Variants in UBE2W observed in about 807,000 individuals in gnomAD.
UBE2W encodes ubiquitin conjugating enzyme E2 W.
In UBE2W, 18 loss-of-function variants were observed where a neutral mutation model predicts 27.2. The observed-to-expected ratio is 0.66, with a 90% CI of 0.46 to 0.98. The LOEUF (loss-of-function observed/expected upper bound fraction) is 0.98. Among genes scored for constraint, UBE2W ranks in the 50% least tolerant of loss-of-function variants. The pLI, the probability that UBE2W is intolerant of heterozygous loss-of-function variation, is 0.00. For missense variants in UBE2W, 90 were observed against 180.2 expected, an observed-to-expected ratio of 0.50 and a Z score of 2.87; for synonymous variants, 53 against 57.2, an observed-to-expected ratio of 0.93 and a Z score of 0.33.
chr8:73,807,525 T>C (rs1808966607), intron 4 of UBE2W, among the ~76,000 whole-genome samples: 1 of 152,186 alleles, frequency 6.6e-6, no homozygotes. Context: ...CATTAGAGCA[T>C]AAGACAGTCA....
At chr8:73,806,971 C>T (rs975751701) in intron 4 of UBE2W, among the ~76,000 whole-genome samples, 3 of 152,046 alleles carry the variant, frequency 2.0e-5, no homozygotes, top group Non-Finnish European at 4.4e-5. Flanking sequence ...AGGGAGCTAC[C>T]GCAGATAAAG....
intron 1 of UBE2W, among the ~76,000 whole-genome samples, chr8:73,840,908 T>G (rs1213135973): frequency 6.6e-6 from 1 of 152,182 alleles, no homozygotes; most frequent in Admixed American, 6.5e-5. Flanking sequence ...TATAGAGGTC[T>G]CACATTTTGT....
At position 73,875,841 on chromosome 8, in the gene UBE2W, G is replaced by A. The variant is rs147638248; in HGVS notation, c.15+2967C>T. Among the ~76,000 whole-genome samples, 3 of 152,234 alleles carry A rather than the reference G, an allele frequency of 2.0e-5. No homozygotes were observed. The East Asian group carries it at 5.8e-4, about 29-fold the overall frequency. On this transcript the variant is annotated intron_variant, in intron 1 of 5. Transcript: ENST00000602593. ...GAGGCGAGTGGATCGCCTGAGGTCAGGAGTTCAAGACCAGCCTGGCCAACA... is the reference window on the plus strand; with the variant it reads ...GAGGCGAGTGGATCGCCTGAGGTCAAGAGTTCAAGACCAGCCTGGCCAACA...
Position 73,822,799 on chromosome 8 carries a change from AAAAC to A in UBE2W, c.210+2344_210+2347del, listed in dbSNP as rs369491927. Among the ~76,000 whole-genome samples the A allele has an allele frequency of 4.8e-3, 730 of 152,060 alleles. 1 individual carries two copies. The highest frequency in any genetic ancestry group is 0.017 in the African/African-American group (695 of 41,492). On this transcript the variant is annotated intron_variant, in intron 3 of 5. Coordinates refer to ENST00000602593, the MANE Select transcript of UBE2W (RefSeq NM_018299.6). The stretch of plus-strand genomic sequence containing the variant: ...ACGCTGTCTCAAAAAAAACAAAACA[AAAAC>A]AAACAAACAAAAAACCAGACTACAG...
rs1808281156 is a variant in UBE2W at position 73,793,347 on chromosome 8, C to T, written c.*755G>A. On this transcript the variant is annotated 3_prime_UTR_variant, in exon 6 of 6. Coordinates refer to ENST00000602593, the MANE Select transcript of UBE2W (RefSeq NM_018299.6). ...AAAGCCTTGATTAAACCATTCATAC[C>T]CTATATTACTCATACCTTTACTTCA... The T allele has an allele frequency of 1.0e-6, 1 of 985,606 alleles. No individual in the cohort carries two copies. The highest frequency in any genetic ancestry group is 1.1e-4 in the East Asian group (1 of 8,826). 61.1% of individuals were successfully genotyped at this position (985,606 alleles called of 1,614,324 possible).
chr8:73,870,835 A>G (rs2130993244), intron 1 of UBE2W, among the ~76,000 whole-genome samples: 1 of 151,370 alleles, frequency 6.6e-6, no homozygotes, highest in South Asian at 2.1e-4. Context: ...AAGAAAAAAA[A>G]AAAAAAAAAA....
intron 1 of UBE2W, among the ~76,000 whole-genome samples, chr8:73,867,508 C>A (rs1811828638): frequency 6.6e-6 from 1 of 151,924 alleles, no homozygotes; most frequent in Non-Finnish European, 1.5e-5. Context: ...GCACTCCAGT[C>A]TGGCAACAGG....
intron 1 of UBE2W, among the ~76,000 whole-genome samples, chr8:73,863,825 A>C (rs928780361): frequency 9.2e-5 from 14 of 152,026 alleles, no homozygotes; most frequent in African/African-American, 3.4e-4. Context: ...ATTAAATCAT[A>C]ACGTGGGGAT....
At chr8:73,804,698 A>G (rs1808795794) in intron 5 of UBE2W, among the ~76,000 whole-genome samples, 1 of 152,054 alleles carries the variant, frequency 6.6e-6, no homozygotes, top group Non-Finnish European at 1.5e-5. Flanking sequence ...TTCTATTTCA[A>G]ACAACAGACT....
chr8:73,856,847 T>C (rs374020092), intron 1 of UBE2W, among the ~76,000 whole-genome samples: 4 of 152,064 alleles, frequency 2.6e-5, no homozygotes, highest in Non-Finnish European at 4.4e-5. Flanking sequence ...CTGGGACTAT[T>C]GGCATGTGCC....
rs1808241007 is a variant in UBE2W at position 73,792,376 on chromosome 8, CA to C, written c.*1725del. On this transcript the variant is annotated 3_prime_UTR_variant, in exon 6 of 6. Transcript: ENST00000602593. Reference sequence around the variant, plus strand: ...TTTTTTTTTCAAGTTATTTCTATAGCAGACATATTTTTGAAGTCTACCCACC... The same window carrying C: ...TTTTTTTTTCAAGTTATTTCTATAGCGACATATTTTTGAAGTCTACCCACC... The C allele has an allele frequency of 1.0e-6, 1 of 985,088 alleles. No individual in the cohort carries two copies. The highest frequency in any genetic ancestry group is 6.2e-5 in the Admixed American group (1 of 16,214). The allele number at this position is 985,088 out of a possible 1,614,324, so 61.0% of individuals were successfully genotyped here. A position where few individuals can be genotyped will look rare whatever the true frequency, so the allele number is the denominator to read the frequency against.
intron 1 of UBE2W, among the ~76,000 whole-genome samples, chr8:73,864,036 A>G (rs1303494565): frequency 1.3e-5 from 2 of 152,212 alleles, no homozygotes; most frequent in African/African-American, 4.8e-5. Context: ...GGATGTAGCA[A>G]CATTACCTTT....
rs968976695 is a variant in UBE2W, at chr8:73,875,536, G to C, written c.15+3272C>G. ...ATCCCATGTTACATTTGTATAATAT[G>C]GCATTTTAAAAAAAATACAGTTCCT... is the stretch of plus-strand genomic sequence containing the variant. On this transcript the variant is annotated intron_variant, in intron 1 of 5. Transcript: ENST00000602593. Among the ~76,000 whole-genome samples, 5 of 116,868 alleles carry C rather than the reference G, an allele frequency of 4.3e-5. No homozygotes were observed. In the East Asian group the frequency reaches 9.7e-4, roughly 23 times the overall value. 76.7% of individuals were successfully genotyped at this position (116,868 alleles called of 152,430 possible). A position where few individuals can be genotyped will look rare whatever the true frequency, so the allele number is the denominator to read the frequency against.
In UBE2W at chr8:73,789,034, CAT is replaced by C; in HGVS notation, c.*5066_*5067del. 1 of 983,926 alleles carries C rather than the reference CAT, an allele frequency of 1.0e-6. No individual in the cohort carries two copies. Among genetic ancestry groups the C allele is most frequent in the South Asian group, 4.7e-5 (1 of 21,244 alleles). 60.9% of individuals were successfully genotyped at this position (983,926 alleles called of 1,614,324 possible). A position where few individuals can be genotyped will look rare whatever the true frequency, so the allele number is the denominator to read the frequency against. The stretch of plus-strand genomic sequence containing the variant: ...CACAAAATACAAGTCACAATATTAA[CAT>C]ATGAAAATTAAAATTACAATTAACA... On this transcript the variant is annotated 3_prime_UTR_variant, in exon 6 of 6. Coordinates refer to ENST00000602593, the MANE Select transcript of UBE2W (RefSeq NM_018299.6).
At position 73,793,896 on chromosome 8, in the gene UBE2W, A is replaced by T; in HGVS notation, c.*206T>A. 1 of 1,400,360 alleles carries T rather than the reference A, an allele frequency of 7.1e-7. No homozygotes were observed. The highest frequency in any genetic ancestry group is 9.3e-7 in the Non-Finnish European group (1 of 1,073,028). 86.7% of individuals were successfully genotyped at this position (1,400,360 alleles called of 1,614,324 possible). A position where few individuals can be genotyped will look rare whatever the true frequency, so the allele number is the denominator to read the frequency against. The stretch of plus-strand genomic sequence containing the variant: ...CTGACACCTGCATTAATACTGTATG[A>T]CTAATAAAAGCATGTCAGTTGCCTG... On this transcript the variant is annotated 3_prime_UTR_variant, in exon 6 of 6. Coordinates refer to ENST00000602593, the MANE Select transcript of UBE2W (RefSeq NM_018299.6).
intron 3 of UBE2W, 128 bp from the exon 4 acceptor site, chr8:73,810,757 G>A (rs1809118865): frequency 3.2e-6 from 2 of 620,886 alleles, no homozygotes; most frequent in African/African-American, 3.9e-5. Flanking sequence ...CCAGGAACAT[G>A]ATAAACAACT....
chr8:73,839,794 G>A (rs73338486), intron 1 of UBE2W, among the ~76,000 whole-genome samples: 4,338 of 143,026 alleles, frequency 0.03, 203 homozygotes, highest in African/African-American at 0.1. Flanking sequence ...GTACAGTGGT[G>A]CAATCTCTGC....
At chr8:73,845,075 C>CCGCCCCA (rs1456194836) in intron 1 of UBE2W, among the ~76,000 whole-genome samples, 2 of 150,832 alleles carry the variant, frequency 1.3e-5, no homozygotes, top group South Asian at 2.1e-4. Flanking sequence ...GCCCGGCCAG[C>CCGCCCCA]TGCACCATCT....
At chr8:73,812,478 C>G (rs190931328) in intron 3 of UBE2W, among the ~76,000 whole-genome samples, 1 of 151,894 alleles carries the variant, frequency 6.6e-6, no homozygotes, top group African/African-American at 2.4e-5. Flanking sequence ...TGGAGTCTGT[C>G]CACAACTGTT....
Sources: allele counts gnomAD v4.1 joint callset (sites outside exome capture counted in the v4.1 genomes callset), GRCh38; gene constraint gnomAD v4.1.1; transcripts MANE v1.5; gene names NCBI Gene and HGNC (gene_info 2026-07-23, HGNC 2026-07-21).